The following SNX29 variants were observed in gnomAD, a reference collection of about 807,000 sequenced individuals.
The protein encoded by SNX29 is sorting nexin-29.
A neutral mutation model predicts 102.1 loss-of-function variants in SNX29; 78 were observed. That is an observed-to-expected ratio of 0.76 (90% CI 0.64 to 0.92). The LOEUF (loss-of-function observed/expected upper bound fraction) is 0.92. Ranked by LOEUF, SNX29 falls within the 40% of genes least tolerant of loss-of-function variation. SNX29 has a pLI of 0.00. For missense variants in SNX29, 1,280 were observed against 1,061.7 expected, an observed-to-expected ratio of 1.21 and a Z score of -2.86; for synonymous variants, 580 against 414.5, an observed-to-expected ratio of 1.40 and a Z score of -4.85.
chr16:12,042,769 C>G, intron 4 of SNX29, 128 bp from the exon 5 acceptor site: 2 of 929,728 alleles, frequency 2.2e-6, no homozygotes, highest in Non-Finnish European at 3.2e-6. Flanking sequence ...GGTGTTATCT[C>G]CTACCTTTTC....
chr16:12,183,592 C>T (rs2076443312), intron 13 of SNX29, among the ~76,000 whole-genome samples: 1 of 152,112 alleles, frequency 6.6e-6, no homozygotes. Flanking sequence ...CACTTCTTTC[C>T]GAAGAACAAG....
intron 14 of SNX29, among the ~76,000 whole-genome samples, chr16:12,265,698 CAAAAAAAAAAA>C (rs67651482): frequency 5.1e-4 from 31 of 60,662 alleles, no homozygotes; most frequent in African/African-American, 1.6e-3. Flanking sequence ...TCAACTCTAC[CAAAAAAAAAAA>C]AAAAAAAAAA....
At chr16:12,288,029 A>G (rs1318499011) in intron 15 of SNX29, among the ~76,000 whole-genome samples, 2 of 152,230 alleles carry the variant, frequency 1.3e-5, no homozygotes, top group Non-Finnish European at 2.9e-5. Context: ...TTACAAAAAA[A>G]AATTTTTTTA....
intron 19 of SNX29, among the ~76,000 whole-genome samples, chr16:12,480,285 C>T (rs1192159539): frequency 6.6e-6 from 1 of 152,206 alleles, no homozygotes; most frequent in Non-Finnish European, 1.5e-5. Flanking sequence ...TTCTGGAGCC[C>T]CAGGAGAGAG....
intron 20 of SNX29, among the ~76,000 whole-genome samples, chr16:12,555,530 C>A (rs1331591032): frequency 6.6e-6 from 1 of 151,530 alleles, no homozygotes; most frequent in Non-Finnish European, 1.5e-5. Flanking sequence ...CGCCCCTGCT[C>A]TCTGGGAGGT....
At chr16:12,105,302 G>A (rs752367461) in intron 11 of SNX29, among the ~76,000 whole-genome samples, 1 of 139,082 alleles carries the variant, frequency 7.2e-6, no homozygotes, top group East Asian at 2.3e-4. Context: ...TCAGCTCACT[G>A]CAACCTCTGC....
chr16:12,151,802 C>G (rs540795216), intron 13 of SNX29, among the ~76,000 whole-genome samples: 226 of 152,318 alleles, frequency 1.5e-3, no homozygotes, highest in African/African-American at 4.7e-3. Flanking sequence ...GTGGCACGAT[C>G]TCGTCTCACT....
chr16:12,499,181 A>G (rs769294420), intron 19 of SNX29, among the ~76,000 whole-genome samples: 1 of 152,248 alleles, frequency 6.6e-6, no homozygotes, highest in African/African-American at 2.4e-5. Flanking sequence ...GGAACAACCA[A>G]TAAAAAATGT....
chr16:12,559,859 A>C (rs759903082), intron 20 of SNX29, among the ~76,000 whole-genome samples: 6 of 152,174 alleles, frequency 3.9e-5, no homozygotes, highest in Non-Finnish European at 8.8e-5. Flanking sequence ...CTTTGATTTA[A>C]AATACCAGAT....
chr16:12,032,762 G>C (rs2057379766), intron 4 of SNX29, among the ~76,000 whole-genome samples: 1 of 151,782 alleles, frequency 6.6e-6, no homozygotes, highest in Non-Finnish European at 1.5e-5. Context: ...GTTTTCCATA[G>C]AGGCTATACC....
rs2079218393 is a variant in SNX29 at position 12,572,916 on chromosome 16, T to G, written c.*4287T>G. ...ATTTCGCTCGGAATCACGGCAGACT[T>G]GGAGTGTTTCTTCAAGGCAGGCATC... is the stretch of plus-strand genomic sequence containing the variant. On this transcript the variant is annotated 3_prime_UTR_variant, in exon 21 of 21. Coordinates refer to ENST00000566228, the MANE Select transcript of SNX29 (RefSeq NM_032167.5). The G allele has an allele frequency of 1.0e-6, 1 of 989,496 alleles. No individual in the cohort carries two copies. The highest frequency in any genetic ancestry group is 1.2e-6 in the Non-Finnish European group (1 of 811,090). 61.3% of individuals were successfully genotyped at this position (989,496 alleles called of 1,614,324 possible). A position where few individuals can be genotyped will look rare whatever the true frequency, so the allele number is the denominator to read the frequency against.
At chr16:12,207,246 G>A (rs960010416) in intron 14 of SNX29, among the ~76,000 whole-genome samples, 5 of 152,126 alleles carry the variant, frequency 3.3e-5, no homozygotes, top group African/African-American at 1.2e-4. Context: ...GCAGGCGCCT[G>A]TAATCCTAGT....
At chr16:12,527,725 G>A (rs942981573) in intron 20 of SNX29, among the ~76,000 whole-genome samples, 11 of 152,158 alleles carry the variant, frequency 7.2e-5, no homozygotes, top group African/African-American at 2.7e-4. Flanking sequence ...TTGGGATGGA[G>A]GTGGGAAGCC....
chr16:12,058,210 A>C (rs2151249502), intron 8 of SNX29, among the ~76,000 whole-genome samples: 1 of 151,958 alleles, frequency 6.6e-6, no homozygotes, highest in Non-Finnish European at 1.5e-5. Flanking sequence ...GCACAGCAGG[A>C]AAGAAAAAAA....
At chr16:12,503,125 GCCTCAACTGCACA>G (rs1656870185) in intron 19 of SNX29, among the ~76,000 whole-genome samples, 1 of 150,832 alleles carries the variant, frequency 6.6e-6, no homozygotes, top group South Asian at 2.1e-4. Context: ...CCCCAGGGTC[GCCTCAACTGCACA>G]CCCCCCTGCC....
chr16:12,027,564 T>C (rs978461857), intron 4 of SNX29, 120 bp downstream of exon 4: 212 of 1,220,772 alleles, frequency 1.7e-4, no homozygotes, highest in Non-Finnish European at 2.3e-4. Flanking sequence ...GGGTGGTGTA[T>C]GGGCACAGAA....
At chr16:12,552,551 G>A (rs1287349687) in intron 20 of SNX29, among the ~76,000 whole-genome samples, 1 of 152,186 alleles carries the variant, frequency 6.6e-6, no homozygotes, top group Non-Finnish European at 1.5e-5. Flanking sequence ...CCCCAGCACT[G>A]GCACACAGGC....
intron 19 of SNX29, among the ~76,000 whole-genome samples, chr16:12,510,975 C>T (rs892711245): frequency 2.0e-5 from 3 of 151,928 alleles, no homozygotes; most frequent in Non-Finnish European, 4.4e-5. Flanking sequence ...AAAGCACTCC[C>T]CCACAGAGTC....
chr16:12,424,990 T>G (rs2085005766), intron 18 of SNX29, among the ~76,000 whole-genome samples: 1 of 152,228 alleles, frequency 6.6e-6, no homozygotes, highest in Non-Finnish European at 1.5e-5. Flanking sequence ...CAGTGGAACC[T>G]TGGGCTGCAA....
Sources: gnomAD v4.1 joint callset for allele counts (sites outside exome capture counted in the v4.1 genomes callset) on GRCh38, gnomAD v4.1.1 for gene constraint, MANE v1.5 for transcripts, NCBI Gene and HGNC (gene_info 2026-07-23, HGNC 2026-07-21) for gene names.